Variants in HPSE observed in about 807,000 individuals in gnomAD.
The protein encoded by HPSE is heparanase.
Under a neutral mutation model 65.1 loss-of-function variants are expected in HPSE, and 48 were observed. The observed-to-expected ratio is 0.74, with a 90% CI of 0.58 to 0.94. HPSE has a LOEUF of 0.94. Ranked by LOEUF, HPSE falls within the 40% of genes least tolerant of loss-of-function variation. The pLI is 0.00. For missense variants in HPSE, 644 were observed against 637.5 expected, an observed-to-expected ratio of 1.01 and a Z score of -0.11; for synonymous variants, 243 against 260.0, an observed-to-expected ratio of 0.93 and a Z score of 0.63.
At chr4:83,309,370 T>C (rs1736277248) in intron 7 of HPSE, 32 bp downstream of exon 7, 1 of 1,110,788 alleles carries the variant, frequency 9.0e-7, no homozygotes, top group Non-Finnish European at 1.3e-6. Flanking sequence ...AGGATTCTGG[T>C]TTTACATTAA....
chr4:83,296,703 G>A lies in HPSE; in HGVS notation c.1473-1200C>T, dbSNP rs141116930. Among the ~76,000 whole-genome samples the A allele has an allele frequency of 4.6e-5, 7 of 151,022 alleles. No homozygotes were observed. The East Asian group carries it at 1.2e-3, about 25-fold the overall frequency. ...AAAAAAAAAAAAAAGAAAAGAGAACGTATAAGATTAGTTACTGTCAGAGTT... is the reference window on the plus strand; with the variant it reads ...AAAAAAAAAAAAAAGAAAAGAGAACATATAAGATTAGTTACTGTCAGAGTT... On this transcript the variant is annotated intron_variant, in intron 11 of 11. Transcript: ENST00000311412.
intron 2 of HPSE, among the ~76,000 whole-genome samples, chr4:83,320,114 C>G (rs932068245): frequency 1.4e-5 from 2 of 148,132 alleles, no homozygotes; most frequent in Non-Finnish European, 3.0e-5. Context: ...GGTTCACTTT[C>G]AAAATCCATA....
At chr4:83,296,984 G>A (rs534570009) in intron 11 of HPSE, among the ~76,000 whole-genome samples, 1 of 152,238 alleles carries the variant, frequency 6.6e-6, no homozygotes, top group East Asian at 1.9e-4. Flanking sequence ...ATATAAGTGT[G>A]GTTCCATAAA....
intron 8 of HPSE, 72 bp downstream of exon 8, chr4:83,308,773 G>T: frequency 8.8e-7 from 1 of 1,134,098 alleles, no homozygotes; most frequent in Non-Finnish European, 1.3e-6. Flanking sequence ...TGGCTGGGGA[G>T]CTATTTCAGC....
chr4:83,312,938 CGTG>C (rs1343930106), intron 4 of HPSE, among the ~76,000 whole-genome samples, 173 bp downstream of exon 4: 1 of 40,608 alleles, frequency 2.5e-5, no homozygotes, highest in East Asian at 1.2e-3. Context: ...AGGAGAATGG[CGTG>C]AATTTGGGAG....
intron 3 of HPSE, among the ~76,000 whole-genome samples, chr4:83,318,728 A>AG (rs1553920396): frequency 4.6e-4 from 69 of 149,554 alleles, no homozygotes; most frequent in African/African-American, 1.5e-3. Context: ...AAAAAAAAAA[A>AG]GGGGGTTCCT....
chr4:83,312,134 C>T (rs548199073), intron 4 of HPSE, among the ~76,000 whole-genome samples: 141 of 152,204 alleles, frequency 9.3e-4, no homozygotes, highest in Non-Finnish European at 1.6e-3. Flanking sequence ...CTGCTGACTT[C>T]CCAGTTTTGC....
chr4:83,305,120 T>A (rs1031347190), intron 9 of HPSE, among the ~76,000 whole-genome samples: 12 of 152,226 alleles, frequency 7.9e-5, no homozygotes, highest in Non-Finnish European at 1.5e-5. Flanking sequence ...TTGCACATTT[T>A]TCTAGCTGAC....
chr4:83,329,345 A>T (rs1737275356), intron 1 of HPSE, among the ~76,000 whole-genome samples: 1 of 152,216 alleles, frequency 6.6e-6, no homozygotes, highest in African/African-American at 2.4e-5. Flanking sequence ...CAAAGAGAGA[A>T]AATATGGTTG....
At chr4:83,330,758 A>G (rs915357209) in intron 1 of HPSE, among the ~76,000 whole-genome samples, 5 of 152,174 alleles carry the variant, frequency 3.3e-5, no homozygotes, top group Non-Finnish European at 7.4e-5. Flanking sequence ...TTTGCTCTGC[A>G]GTATTTAGGA....
intron 3 of HPSE, among the ~76,000 whole-genome samples, chr4:83,314,024 G>A (rs1461032983): frequency 6.6e-6 from 1 of 152,036 alleles, no homozygotes; most frequent in African/African-American, 2.4e-5. Context: ...AGGCCGAGGC[G>A]GGCGGATCAC....
At chr4:83,299,363 C>CAGAAAAAA (rs1553918870) in intron 11 of HPSE, among the ~76,000 whole-genome samples, 1 of 90,994 alleles carries the variant, frequency 1.1e-5, no homozygotes. Flanking sequence ...GACTCTGTCT[C>CAGAAAAAA]AAAAAAAAAA....
intron 9 of HPSE, among the ~76,000 whole-genome samples, chr4:83,304,260 G>T (rs763750550): frequency 7.2e-5 from 11 of 152,200 alleles, no homozygotes; most frequent in Non-Finnish European, 1.6e-4. Flanking sequence ...ATAAGGGTCT[G>T]AAGTTATCTT....
At position 83,326,845 on chromosome 4, in the gene HPSE, G is replaced by A. The variant is rs57189682; in HGVS notation, c.228-4481C>T. On this transcript the variant is annotated intron_variant, in intron 1 of 11. Transcript: ENST00000311412. The surrounding 1 kb of genome is among the most constrained non-coding windows in gnomAD (Gnocchi z 4.2). ...TCTAGCTGTATTTGTAAGCAGTCGC[G>A]GCTGGGCAAGAGACTGGGAAGTGGG... Among the ~76,000 whole-genome samples the A allele has an allele frequency of 0.013, 2,027 of 152,204 alleles. 42 individuals carry two copies. The highest frequency in any genetic ancestry group is 0.045 in the African/African-American group (1,863 of 41,512).
chr4:83,313,042 GA>G (rs917659115), intron 4 of HPSE, 71 bp downstream of exon 4: 2 of 935,928 alleles, frequency 2.1e-6, no homozygotes, highest in East Asian at 2.6e-5. Flanking sequence ...AAAAAAAAAA[GA>G]AAAAGAAAAG....
At position 83,294,010 on chromosome 4, in the gene HPSE, C is replaced by T. The variant is rs1735638088; in HGVS notation, c.*1334G>A. The T allele has an allele frequency of 6.6e-6, 1 of 152,178 alleles. No individual in the cohort carries two copies. The highest frequency in any genetic ancestry group is 6.5e-5 in the Admixed American group (1 of 15,278). 9.4% of individuals were successfully genotyped at this position (152,178 alleles called of 1,614,324 possible). ...TACAGCTAAGCACCTTCTTAAAACT[C>T]ATAATATATCCTTCGCTTCCTTGCT... On this transcript the variant is annotated 3_prime_UTR_variant, in exon 12 of 12. Transcript: ENST00000311412.
Position 83,292,517 on chromosome 4 carries a change from A to ATAAAATT in HPSE, c.*2820_*2826dup, listed in dbSNP as rs1173469332. ...GTGAAAATATAAAAACCACTTACATATAAAATTTAAGAGTATTGAAAGATC... is the reference window on the plus strand; with the variant it reads ...GTGAAAATATAAAAACCACTTACATATAAAATTTAAAATTTAAGAGTATTGAAAGATC... On this transcript the variant is annotated 3_prime_UTR_variant, in exon 12 of 12. Transcript: ENST00000311412. The ATAAAATT allele has an allele frequency of 3.9e-5, 6 of 152,262 alleles. No individual in the cohort carries two copies. Among genetic ancestry groups the ATAAAATT allele is most frequent in the Non-Finnish European group, 4.4e-5 (3 of 68,048 alleles). The allele number at this position is 152,262 out of a possible 1,614,324, so 9.4% of individuals were successfully genotyped here.
intron 1 of HPSE, among the ~76,000 whole-genome samples, chr4:83,333,419 A>T (rs994999154): frequency 6.6e-6 from 1 of 152,198 alleles, no homozygotes; most frequent in African/African-American, 2.4e-5. Context: ...TAACCAGTAC[A>T]CTACCCATTA....
intron 3 of HPSE, among the ~76,000 whole-genome samples, chr4:83,316,573 A>G (rs897273056): frequency 2.0e-5 from 3 of 152,134 alleles, no homozygotes; most frequent in Non-Finnish European, 2.9e-5. Flanking sequence ...TCAGCATCCA[A>G]TGTGGGCCTG....
Sources: allele counts gnomAD v4.1 joint callset (sites outside exome capture counted in the v4.1 genomes callset), GRCh38; gene constraint gnomAD v4.1.1; non-coding constraint Gnocchi (gnomAD v3.1); transcripts MANE v1.5; gene names NCBI Gene and HGNC (gene_info 2026-07-23, HGNC 2026-07-21).